Variants in CDH18 observed in about 807,000 individuals in gnomAD.
The protein encoded by CDH18 is cadherin 18.
Under a neutral mutation model 67.9 loss-of-function variants are expected in CDH18, and 31 were observed. The ratio of observed to expected loss-of-function variants is 0.46; its 90% CI spans 0.34 to 0.62. The LOEUF is 0.62. Ranked by LOEUF, CDH18 falls within the 20% of genes least tolerant of loss-of-function variation. The pLI, the probability that CDH18 is intolerant of heterozygous loss-of-function variation, is 0.01. For synonymous variants in CDH18, 362 were observed against 347.2 expected (o/e 1.04, Z -0.48); for missense variants, 890 against 975.5 (o/e 0.91, Z 1.17).
chr5:20,143,585 T>A (rs1750412554), intron 2 of CDH18, among the ~76,000 whole-genome samples: 1 of 152,084 alleles, frequency 6.6e-6, no homozygotes, highest in Non-Finnish European at 1.5e-5. Context: ...CCAAGACTGG[T>A]CTGGAATGCC....
intron 2 of CDH18, among the ~76,000 whole-genome samples, chr5:20,088,934 A>G (rs1175049723): frequency 6.6e-6 from 1 of 152,148 alleles, no homozygotes; most frequent in Non-Finnish European, 1.5e-5. Flanking sequence ...TTAATTCAAC[A>G]CTGAGAAGTC....
In CDH18 at chr5:19,497,183, GA is replaced by G. The variant is rs556786518; in HGVS notation, c.1630+5808del. 6.1e-3 allele frequency among the ~76,000 whole-genome samples: 926 copies of G among 151,396 alleles called. 2 individuals are homozygous for G. The highest frequency in any genetic ancestry group is 8.6e-3 in the Non-Finnish European group (586 of 67,944). On this transcript the variant is annotated intron_variant, in intron 11 of 12. Transcript: ENST00000382275. Reference sequence around the variant, plus strand: ...AAACTGGCATTTGTTCTAGATATTAGAAAAGGCTGACAATGATTGTAAAATC... The same window carrying G: ...AAACTGGCATTTGTTCTAGATATTAGAAAGGCTGACAATGATTGTAAAATC...
At chr5:19,902,520 G>C (rs1184086253) in intron 2 of CDH18, among the ~76,000 whole-genome samples, 1 of 151,796 alleles carries the variant, frequency 6.6e-6, no homozygotes, top group African/African-American at 2.4e-5. Context: ...TACACAAACC[G>C]TGTGAGTGTA....
chr5:19,640,417 G>C (rs1296824257), intron 5 of CDH18, among the ~76,000 whole-genome samples: 1 of 152,008 alleles, frequency 6.6e-6, no homozygotes, highest in African/African-American at 2.4e-5. Flanking sequence ...TTTTATGTAA[G>C]ACTCAAGCTA....
At chr5:19,835,593 G>A (rs1196454381) in intron 3 of CDH18, among the ~76,000 whole-genome samples, 5 of 151,990 alleles carry the variant, frequency 3.3e-5, no homozygotes, top group East Asian at 3.9e-4. Flanking sequence ...TTAAAATAAT[G>A]GCACAGAAGG....
At chr5:19,925,956 GT>G (rs1274546438) in intron 2 of CDH18, among the ~76,000 whole-genome samples, 2 of 152,146 alleles carry the variant, frequency 1.3e-5, no homozygotes, top group African/African-American at 4.8e-5. Flanking sequence ...TAAATTTTAA[GT>G]TTTATAATAG....
chr5:19,633,075 G>A (rs1245676608), intron 5 of CDH18, among the ~76,000 whole-genome samples: 3 of 152,202 alleles, frequency 2.0e-5, no homozygotes, highest in East Asian at 1.9e-4. Flanking sequence ...GTCCCTTGTC[G>A]TATTCAGAGA....
At chr5:20,543,301 T>C (rs1192624181) in intron 1 of CDH18, among the ~76,000 whole-genome samples, 1 of 152,070 alleles carries the variant, frequency 6.6e-6, no homozygotes, top group African/African-American at 2.4e-5. Flanking sequence ...AAATTTTATA[T>C]ATTTTTCTAT....
intron 1 of CDH18, among the ~76,000 whole-genome samples, chr5:20,419,757 G>A (rs999098350): frequency 2.7e-5 from 4 of 150,844 alleles, no homozygotes; most frequent in Admixed American, 2.0e-4. Context: ...GATTACAGGC[G>A]TGAGCCGCCG....
At chr5:20,446,061 C>T (rs1381700360) in intron 1 of CDH18, among the ~76,000 whole-genome samples, 1 of 151,964 alleles carries the variant, frequency 6.6e-6, no homozygotes, top group Non-Finnish European at 1.5e-5. Flanking sequence ...TATGTTTTTA[C>T]CCATAATTCA....
At chr5:20,414,239 C>T (rs144521625) in intron 1 of CDH18, among the ~76,000 whole-genome samples, 254 of 152,236 alleles carry the variant, frequency 1.7e-3, no homozygotes, top group South Asian at 5.8e-3. Flanking sequence ...TTATGTTTAT[C>T]GTAGCACTAT....
intron 3 of CDH18, among the ~76,000 whole-genome samples, chr5:19,765,274 G>A (rs1423979600): frequency 6.6e-6 from 1 of 152,150 alleles, no homozygotes; most frequent in Non-Finnish European, 1.5e-5. Flanking sequence ...GAGCAAGTAA[G>A]AGTGAGATCC....
chr5:20,398,103 C>A (rs1457265519), intron 1 of CDH18, among the ~76,000 whole-genome samples: 3 of 152,144 alleles, frequency 2.0e-5, no homozygotes. Flanking sequence ...AGAGACCAGA[C>A]AAATCTGAGT....
intron 2 of CDH18, among the ~76,000 whole-genome samples, chr5:20,091,867 C>T (rs1745466131): frequency 6.6e-6 from 1 of 151,890 alleles, no homozygotes; most frequent in Non-Finnish European, 1.5e-5. Context: ...AGCAAAGAAC[C>T]TCCAGATCAG....
chr5:20,394,289 T>C (rs1459720186), intron 1 of CDH18, among the ~76,000 whole-genome samples: 3 of 152,094 alleles, frequency 2.0e-5, no homozygotes, highest in Admixed American at 6.6e-5. Context: ...CACCAAAGCA[T>C]GCAAAAACAT....
chr5:20,399,731 T>C (rs1304381691), intron 1 of CDH18, among the ~76,000 whole-genome samples: 1 of 152,216 alleles, frequency 6.6e-6, no homozygotes. Context: ...TGTGAATAAA[T>C]AAGCCCTTAC....
chr5:20,547,822 GTTTAC>G (rs1005126386), intron 1 of CDH18, among the ~76,000 whole-genome samples: 3 of 152,004 alleles, frequency 2.0e-5, no homozygotes, highest in Non-Finnish European at 4.4e-5. Flanking sequence ...TTCATGTTTA[GTTTAC>G]TTAGTTGATT....
At chr5:19,631,527 C>T (rs1752412555) in intron 5 of CDH18, among the ~76,000 whole-genome samples, 1 of 151,792 alleles carries the variant, frequency 6.6e-6, no homozygotes. Flanking sequence ...AATTCTGAAG[C>T]GATTTTCAAG....
intron 10 of CDH18, among the ~76,000 whole-genome samples, chr5:19,503,702 T>A (rs1451561001): frequency 6.6e-6 from 1 of 152,046 alleles, no homozygotes; most frequent in South Asian, 2.1e-4. Context: ...TAACTTCTCC[T>A]CTCTAGTGCT....
Sources: allele counts gnomAD v4.1 joint callset (sites outside exome capture counted in the v4.1 genomes callset), GRCh38; gene constraint gnomAD v4.1.1; transcripts MANE v1.5; gene names NCBI Gene and HGNC (gene_info 2026-07-23, HGNC 2026-07-21).